The following BAZ2B variants were observed in gnomAD, a reference collection of about 807,000 sequenced individuals.
BAZ2B encodes bromodomain adjacent to zinc finger domain protein 2B.
BAZ2B carries 91 observed loss-of-function variants against 246.0 expected under a neutral mutation model. That is an observed-to-expected ratio of 0.37 (90% CI 0.31 to 0.44). BAZ2B has a LOEUF of 0.44. Among genes scored for constraint, BAZ2B ranks in the 20% least tolerant of loss-of-function variants. The probability of loss-of-function intolerance (pLI) is 1.00; values close to 1 mark genes in which losing one functional copy is unlikely to be tolerated. For missense variants in BAZ2B, 2,332 were observed against 2,533.7 expected (o/e 0.92, Z 1.71); for synonymous variants, 855 against 860.0 (o/e 0.99, Z 0.10).
chr2:159,427,697 T>C, intron 13 of BAZ2B, among the ~76,000 whole-genome samples: 1 of 152,142 alleles, frequency 6.6e-6, no homozygotes, highest in East Asian at 1.9e-4. Context: ...TGTAAAGTTA[T>C]TGGTTGAATT....
At chr2:159,555,090 ATT>A (rs72324855) in intron 2 of BAZ2B, among the ~76,000 whole-genome samples, 6,762 of 93,658 alleles carry the variant, frequency 0.072, 287 homozygotes, top group African/African-American at 0.16. Flanking sequence ...GTGTGTGTGT[ATT>A]TTTTTTTTTT....
At chr2:159,481,751 C>CTGGT (rs2079256693) in intron 2 of BAZ2B, among the ~76,000 whole-genome samples, 1 of 150,748 alleles carries the variant, frequency 6.6e-6, no homozygotes. Flanking sequence ...AAATAACTGA[C>CTGGT]TGGTATTCAT....
At chr2:159,328,847 G>C (rs1219412854) in intron 34 of BAZ2B, among the ~76,000 whole-genome samples, 1 of 152,174 alleles carries the variant, frequency 6.6e-6, no homozygotes, top group Non-Finnish European at 1.5e-5. Flanking sequence ...TAAAACAAAG[G>C]CCGGGCACAG....
the BAZ2B span, among the ~76,000 whole-genome samples, chr2:159,676,952 T>TTTTATA: frequency 3.8e-4 from 45 of 117,814 alleles, no homozygotes; most frequent in African/African-American, 1.3e-3. Context: ...AATAGTTTTG[T>TTTTATA]TATATATATA....
intron 1 of BAZ2B, among the ~76,000 whole-genome samples, chr2:159,573,066 A>G (rs1684413094): frequency 6.6e-6 from 1 of 152,236 alleles, no homozygotes; most frequent in Non-Finnish European, 1.5e-5. Context: ...GTTTTCTAGA[A>G]AACTGAAAAA....
At chr2:159,327,264 G>C (rs1185284154) in intron 34 of BAZ2B, among the ~76,000 whole-genome samples, 2 of 152,102 alleles carry the variant, frequency 1.3e-5, no homozygotes. Context: ...CAGTCCTTTG[G>C]AGTATTTCAT....
chr2:159,571,029 T>C (rs565823505), intron 1 of BAZ2B, among the ~76,000 whole-genome samples: 1 of 152,220 alleles, frequency 6.6e-6, no homozygotes, highest in South Asian at 2.1e-4. Flanking sequence ...AATTTTTGTA[T>C]TTTTAATAGA....
chr2:159,656,057 A>G, the BAZ2B span, among the ~76,000 whole-genome samples: 8 of 152,154 alleles, frequency 5.3e-5, no homozygotes, highest in Admixed American at 4.6e-4. Flanking sequence ...TAGCAACTCT[A>G]AATTCTGTTG....
the BAZ2B span, among the ~76,000 whole-genome samples, chr2:159,622,820 G>A: frequency 6.6e-6 from 1 of 151,906 alleles, no homozygotes; most frequent in Non-Finnish European, 1.5e-5. Context: ...GCAACATGAT[G>A]AGACTGTCTC....
chr2:159,428,313 T>G lies in BAZ2B; in HGVS notation c.2362A>C (p.Lys788Gln), dbSNP rs780250459. 6.8e-6 allele frequency: 11 copies of G among 1,610,726 alleles called. No homozygotes were observed. The highest frequency in any genetic ancestry group is 5.9e-6 in the Non-Finnish European group (7 of 1,178,038). The change falls in exon 12 of 37, where the codon AAG becomes CAG. Residue 788 changes from lysine to glutamine, a missense_variant and splice_region_variant. By Grantham distance (53) the Lys-to-Gln change is moderately conservative. This residue lies in a region of BAZ2B where 651 missense variants were observed against 650.9 expected (regional missense o/e 1.00). Coordinates refer to ENST00000392783, the MANE Select transcript of BAZ2B (RefSeq NM_013450.4). ...ATTATTTGGTGAAAAGTATGTACCT[T>G]TATTACTTCAGGGTACTGCCTAAGT... ...KKLRQYPEVI[K>Q]YLSRNGIMDI...
chr2:159,563,762 T>C (rs902266394), intron 1 of BAZ2B, among the ~76,000 whole-genome samples: 5 of 152,306 alleles, frequency 3.3e-5, no homozygotes, highest in East Asian at 3.9e-4. Flanking sequence ...TGAATGAATA[T>C]ACTTAATGCC....
chr2:159,709,327 G>C, the BAZ2B span, among the ~76,000 whole-genome samples: 1 of 152,148 alleles, frequency 6.6e-6, no homozygotes, highest in Non-Finnish European at 1.5e-5. Flanking sequence ...GGGACAAAAA[G>C]AGGATGGTTA....
intron 36 of BAZ2B, among the ~76,000 whole-genome samples, chr2:159,321,565 C>T (rs954105806): frequency 2.0e-4 from 30 of 152,124 alleles, no homozygotes; most frequent in Non-Finnish European, 1.5e-5. Flanking sequence ...AATGGCGCAC[C>T]ATTCAGCCAT....
At chr2:159,512,660 C>T (rs983757373) in intron 2 of BAZ2B, among the ~76,000 whole-genome samples, 9 of 151,994 alleles carry the variant, frequency 5.9e-5, no homozygotes, top group Non-Finnish European at 1.2e-4. Context: ...GGGTTCATTC[C>T]CAAGGTCACA....
Position 159,448,364 on chromosome 2 carries a change from G to A in BAZ2B, c.380C>T (p.Ala127Val), listed in dbSNP as rs1300707163. The A allele has an allele frequency of 1.2e-6, 2 of 1,611,282 alleles. No homozygotes were observed. Among genetic ancestry groups the A allele is most frequent in the Admixed American group, 1.7e-5 (1 of 59,124 alleles). Residue 127 changes from alanine (A) to valine (V), a missense_variant, in exon 5 of 37, where the codon GCA becomes GTA. Ala to Val is a moderately conservative substitution (Grantham distance 64, BLOSUM62 0). Transcript: ENST00000392783. ...TCCCAGTAATGGTGGAAAGAAGGTT[G>A]CTCCTGTACGAGTATGAGCATCAGT... ...RTTDAHTRTGATFFPPLLGIP... is the reference protein window; with the variant it reads ...RTTDAHTRTGVTFFPPLLGIP...
At chr2:159,708,565 ATTTATTTATTTATTTC>A in the BAZ2B span, among the ~76,000 whole-genome samples, 13,071 of 64,726 alleles carry the variant, frequency 0.2, 645 homozygotes, top group Middle Eastern at 0.32. Context: ...TTATTTATTT[ATTTATTTATTTATTTC>A]TTTATTTATT....
the BAZ2B span, among the ~76,000 whole-genome samples, chr2:159,648,154 T>C: frequency 6.6e-6 from 1 of 152,052 alleles, no homozygotes; most frequent in African/African-American, 2.4e-5. Flanking sequence ...TATTTATTTT[T>C]TGAGAAAGAG....
chr2:159,337,208 A>G (rs1325491552), intron 32 of BAZ2B, 131 bp from the exon 33 acceptor site: 2 of 1,244,736 alleles, frequency 1.6e-6, no homozygotes, highest in Admixed American at 4.5e-5. Context: ...AGGTTTAAGC[A>G]ACTAAATTTG....
the BAZ2B span, among the ~76,000 whole-genome samples, chr2:159,627,266 T>C: frequency 6.6e-6 from 1 of 151,898 alleles, no homozygotes; most frequent in Non-Finnish European, 1.5e-5. Flanking sequence ...GTACCATTCC[T>C]TCTGAAACTA....
Sources: gnomAD v4.1 joint callset for allele counts (sites outside exome capture counted in the v4.1 genomes callset) on GRCh38, gnomAD v4.1.1 for gene constraint, gnomAD v4.1.1 regional missense constraint, MANE v1.5 for transcripts, NCBI Gene and HGNC (gene_info 2026-07-23, HGNC 2026-07-21) for gene names.